DDTL: variants seen among roughly 807,000 people sequenced by gnomAD.
The protein encoded by DDTL is putative D-dopachrome decarboxylase-like protein.
DDTL carries 1 observed loss-of-function variant against 1.1 expected under a neutral mutation model. That is an observed-to-expected ratio of 0.91 (90% CI 0.32 to 4.31). The LOEUF (loss-of-function observed/expected upper bound fraction) is 4.31, where lower values mean the gene tolerates loss of function less well. DDTL is among the 30% of genes most tolerant of loss of function. The pLI is 0.17. For missense variants in DDTL, 54 were observed against 48.9 expected (o/e 1.10, Z -0.31); for synonymous variants, 21 against 16.6 (o/e 1.26, Z -0.64).
rs2033913210 is a variant in DDTL at position 23,971,916 on chromosome 22, G to T, written c.*510G>T. 1 of 321,414 alleles carries T rather than the reference G, an allele frequency of 3.1e-6. No homozygotes were observed. Among genetic ancestry groups the T allele is most frequent in the Non-Finnish European group, 5.6e-6 (1 of 177,336 alleles). The allele number at this position is 321,414 out of a possible 1,614,324, so 19.9% of individuals were successfully genotyped here. A position where few individuals can be genotyped will look rare whatever the true frequency, so the allele number is the denominator to read the frequency against. On this transcript the variant is annotated 3_prime_UTR_variant, in exon 3 of 3. Coordinates refer to ENST00000215770, the MANE Select transcript of DDTL (RefSeq NM_001084393.2). ...TCATCTCCATCAGTTTGTGTACTGAGGGGTACCCTGCCTCCTAATTGCAGG... is the reference window on the plus strand; with the variant it reads ...TCATCTCCATCAGTTTGTGTACTGATGGGTACCCTGCCTCCTAATTGCAGG...
At chr22:23,970,782 T>C (rs930034260) in intron 2 of DDTL, among the ~76,000 whole-genome samples, 4 of 152,110 alleles carry the variant, frequency 2.6e-5, no homozygotes, top group African/African-American at 9.7e-5. Context: ...ACAGGAAGCC[T>C]TACCTGCCAT....
chr22:23,971,220 A>T, intron 2 of DDTL, 66 bp from the exon 3 acceptor site: 1 of 1,544,580 alleles, frequency 6.5e-7, no homozygotes, highest in Non-Finnish European at 8.7e-7. Flanking sequence ...ATGGGTGTGG[A>T]GAGCAGAGCC....
In DDTL at chr22:23,972,519, G is replaced by T. The variant is rs1247713854; in HGVS notation, c.*1113G>T. On this transcript the variant is annotated 3_prime_UTR_variant, in exon 3 of 3. Transcript: ENST00000215770. ...CTATGTAAATAGTTGTATTGTTTAG[G>T]GAATAATGACAAGGAATAAAGTCTA... The T allele has an allele frequency of 3.9e-6, 1 of 255,490 alleles. No homozygotes were observed. Among genetic ancestry groups the T allele is most frequent in the Non-Finnish European group, 6.5e-6 (1 of 153,684 alleles). The allele number at this position is 255,490 out of a possible 1,614,324, so 15.8% of individuals were successfully genotyped here.
intron 2 of DDTL, among the ~76,000 whole-genome samples, chr22:23,970,477 CTG>C (rs901738667): frequency 1.6e-4 from 24 of 151,672 alleles, no homozygotes; most frequent in African/African-American, 5.8e-4. Flanking sequence ...TGTGAGTGAA[CTG>C]TGTGATGACT....
intron 2 of DDTL, chr22:23,969,283 T>C: frequency 1.0e-6 from 1 of 985,526 alleles, no homozygotes; most frequent in Non-Finnish European, 1.2e-6. Flanking sequence ...AGGGGCATGT[T>C]GGCTTATGGC....
chr22:23,972,039 T>G lies in DDTL; in HGVS notation c.*633T>G. The G allele has an allele frequency of 2.5e-6, 1 of 402,094 alleles. No homozygotes were observed. The highest frequency in any genetic ancestry group is 3.4e-6 in the Non-Finnish European group (1 of 295,048). 24.9% of individuals were successfully genotyped at this position (402,094 alleles called of 1,614,324 possible). A position where few individuals can be genotyped will look rare whatever the true frequency, so the allele number is the denominator to read the frequency against. ...AACCCCGCCACTAATGTCTGGGCCA[T>G]AAGTGAACATGCCCCTCTCAGAGGT... On this transcript the variant is annotated 3_prime_UTR_variant, in exon 3 of 3. Transcript: ENST00000215770.
chr22:23,971,716 G>C lies in DDTL; in HGVS notation c.*310G>C. On this transcript the variant is annotated 3_prime_UTR_variant, in exon 3 of 3. Transcript: ENST00000215770. ...CAGGTACTCCCACTGTGGGTACTCA[G>C]GACAGCCTGCCTCAGTCCACCAGGC... 8 of 1,165,104 alleles carry C rather than the reference G, an allele frequency of 6.9e-6. No homozygotes were observed. The highest frequency in any genetic ancestry group is 8.6e-6 in the Non-Finnish European group (7 of 815,426). 72.2% of individuals were successfully genotyped at this position (1,165,104 alleles called of 1,614,324 possible). A position where few individuals can be genotyped will look rare whatever the true frequency, so the allele number is the denominator to read the frequency against.
intron 2 of DDTL, chr22:23,969,766 C>CT (rs1261837983): frequency 9.1e-6 from 9 of 985,688 alleles, no homozygotes; most frequent in Middle Eastern, 1.0e-3. Flanking sequence ...CTGCAATAAT[C>CT]TGAGTTTCCA....
In DDTL at chr22:23,971,414, G is replaced by A. The variant is rs3208352; in HGVS notation, c.*8G>A. The A allele has an allele frequency of 3.7e-6, 6 of 1,612,894 alleles. No homozygotes were observed. Among genetic ancestry groups the A allele is most frequent in the East Asian group, 2.2e-5 (1 of 44,876 alleles). On this transcript the variant is annotated 3_prime_UTR_variant, in exon 3 of 3. Coordinates refer to ENST00000215770, the MANE Select transcript of DDTL (RefSeq NM_001084393.2). ...TTCATTTATTTCATATGAGGATGAA[G>A]AAGAGGATTATGTGATCACAGGAAT... is the stretch of plus-strand genomic sequence containing the variant.
intron 2 of DDTL, chr22:23,969,447 GATGAGGC>G: frequency 1.0e-6 from 1 of 986,448 alleles, no homozygotes; most frequent in Non-Finnish European, 1.2e-6. Flanking sequence ...CAGCACACAC[GATGAGGC>G]TACTGTGTTG....
Position 23,970,825 on chromosome 22 carries a change from C to A in DDTL, c.285-461C>A, listed in dbSNP as rs564481636. Among the ~76,000 whole-genome samples the A allele has an allele frequency of 2.7e-4, 41 of 152,218 alleles. No homozygotes were observed. The Middle Eastern group carries it at 0.014, about 51-fold the overall frequency. ...CCCAGCTGTCCTCCCAGCCTGGGGA[C>A]CCCTGGGCTGGAAAGGTTATGAAAA... is the stretch of plus-strand genomic sequence containing the variant. On this transcript the variant is annotated intron_variant, in intron 2 of 2. Transcript: ENST00000215770.
At chr22:23,969,303 A>G (rs1053130758) in intron 2 of DDTL, 32 of 985,150 alleles carry the variant, frequency 3.2e-5, no homozygotes, top group Admixed American at 3.1e-4. Context: ...CACAGACATT[A>G]GTGGTGGGGG....
In DDTL at chr22:23,971,750, A is replaced by G; in HGVS notation, c.*344A>G. The G allele has an allele frequency of 1.3e-6, 1 of 787,752 alleles. No homozygotes were observed. The highest frequency in any genetic ancestry group is 2.0e-6 in the Non-Finnish European group (1 of 495,294). 48.8% of individuals were successfully genotyped at this position (787,752 alleles called of 1,614,324 possible). On this transcript the variant is annotated 3_prime_UTR_variant, in exon 3 of 3. Transcript: ENST00000215770. ...GCCTCAGTCCACCAGGCATTTTGCA[A>G]ACCTGCTCATCCCAATAATGATTTT...
intron 2 of DDTL, chr22:23,969,299 C>T (rs1449424865): frequency 2.0e-6 from 2 of 985,252 alleles, no homozygotes; most frequent in African/African-American, 3.5e-5. Context: ...ATGGCACAGA[C>T]ATTAGTGGTG....
At chr22:23,969,995 C>T (rs2033869539) in intron 2 of DDTL, 3 of 369,486 alleles carry the variant, frequency 8.1e-6, no homozygotes, top group Non-Finnish European at 1.1e-5. Flanking sequence ...CTCATGTCAC[C>T]TGGCAGGAGG....
Position 23,971,565 on chromosome 22 carries a change from T to A in DDTL, c.*159T>A. On this transcript the variant is annotated 3_prime_UTR_variant, in exon 3 of 3. Transcript: ENST00000215770. ...TCCGTGCCCAATCATAAAAAAGTCA[T>A]GACCGTCCCTATCTTGCCAATCTGC... The A allele has an allele frequency of 6.2e-7, 1 of 1,614,120 alleles. No homozygotes were observed. Among genetic ancestry groups the A allele is most frequent in the Non-Finnish European group, 8.5e-7 (1 of 1,179,994 alleles).
Position 23,971,360 on chromosome 22 carries a change from A to T in DDTL, c.359A>T (p.Lys120Met). 6.2e-7 allele frequency: 1 copy of T among 1,614,176 alleles called. No individual in the cohort carries two copies. ...TGCCCAGGAGAGATAATAGAAGGTA[A>T]GAAGTCATGTTTGAATGAGGAAGCT... ...PRCPGEIIEG[K>M]KSCLNEEALF... The change falls in exon 3 of 3, where the codon AAG becomes ATG. Residue 120 changes from lysine to methionine, a missense_variant. Coordinates refer to ENST00000215770, the MANE Select transcript of DDTL (RefSeq NM_001084393.2).
intron 2 of DDTL, chr22:23,969,821 T>C (rs958392940): frequency 2.2e-5 from 22 of 985,796 alleles, no homozygotes; most frequent in Non-Finnish European, 2.7e-5. Flanking sequence ...TTGTTCCTAA[T>C]TGGATGGTTT....
At chr22:23,969,951 G>C (rs1378361194) in intron 2 of DDTL, 1 of 721,322 alleles carries the variant, frequency 1.4e-6, no homozygotes. Flanking sequence ...ACTAACTGTG[G>C]TGTGCATCAT....
Sources: gnomAD v4.1 joint callset for allele counts (sites outside exome capture counted in the v4.1 genomes callset) on GRCh38, gnomAD v4.1.1 for gene constraint, MANE v1.5 for transcripts, NCBI Gene and HGNC (gene_info 2026-07-23, HGNC 2026-07-21) for gene names.